B3GALT1: variants seen among roughly 807,000 people sequenced by gnomAD.
The protein encoded by B3GALT1 is beta-1,3-galactosyltransferase 1.
B3GALT1 carries 10 observed loss-of-function variants against 23.2 expected under a neutral mutation model. The observed-to-expected ratio is 0.43, with a 90% CI of 0.27 to 0.73. The LOEUF is 0.73. B3GALT1 is among the 30% of genes least tolerant of loss of function. B3GALT1 has a pLI of 0.21. For synonymous variants in B3GALT1, 156 were observed against 141.5 expected, an observed-to-expected ratio of 1.10 and a Z score of -0.73; for missense variants, 299 against 405.4, an observed-to-expected ratio of 0.74 and a Z score of 2.25.
intron 3 of B3GALT1, among the ~76,000 whole-genome samples, chr2:167,670,466 C>G (rs946916114): frequency 6.6e-6 from 1 of 152,068 alleles, no homozygotes; most frequent in Admixed American, 6.6e-5. Flanking sequence ...AATGCAAAAA[C>G]AACAATGCAA....
At chr2:167,555,309 A>G (rs957949796) in intron 2 of B3GALT1, among the ~76,000 whole-genome samples, 1 of 152,208 alleles carries the variant, frequency 6.6e-6, no homozygotes, top group South Asian at 2.1e-4. Context: ...ATAGTCTCAC[A>G]TAGTGAGTGT....
chr2:167,714,260 C>T lies in B3GALT1; in HGVS notation c.-352+67294C>T, dbSNP rs145657224. On this transcript the variant is annotated intron_variant, in intron 3 of 4. Transcript: ENST00000392690. ...TCCTGGTGGAGGAAACATCATCCTA[C>T]GGTCCTGTTCCCATGGAGATGAGAG... 1.1e-4 allele frequency: 164 copies of T among 1,501,766 alleles called. No homozygotes were observed. In the African/African-American group the frequency reaches 1.8e-3, roughly 16 times the overall value. The allele number at this position is 1,501,766 out of a possible 1,614,324, so 93.0% of individuals were successfully genotyped here.
intron 1 of B3GALT1, among the ~76,000 whole-genome samples, chr2:167,460,302 T>C (rs1369435923): frequency 6.6e-6 from 1 of 152,194 alleles, no homozygotes; most frequent in African/African-American, 2.4e-5. Context: ...CTTCAGTCAT[T>C]TTTCTATCTG....
At chr2:167,703,668 G>A (rs537563445) in intron 3 of B3GALT1, among the ~76,000 whole-genome samples, 2 of 152,182 alleles carry the variant, frequency 1.3e-5, no homozygotes, top group African/African-American at 4.8e-5. Flanking sequence ...TTTCCGCTAA[G>A]TGACTTCCCT....
chr2:167,730,834 T>C (rs1344314136), intron 3 of B3GALT1, among the ~76,000 whole-genome samples: 1 of 152,142 alleles, frequency 6.6e-6, no homozygotes, highest in East Asian at 1.9e-4. Flanking sequence ...AGACACAAAA[T>C]CAGTGGCAGG....
chr2:167,465,779 T>G (rs1415382757), intron 1 of B3GALT1, among the ~76,000 whole-genome samples: 1 of 149,194 alleles, frequency 6.7e-6, no homozygotes, highest in Non-Finnish European at 1.5e-5. Context: ...GTAGTTGAGA[T>G]TAAACTGTTA....
intron 1 of B3GALT1, among the ~76,000 whole-genome samples, chr2:167,378,037 C>A (rs1697791973): frequency 6.6e-6 from 1 of 152,142 alleles, no homozygotes; most frequent in Non-Finnish European, 1.5e-5. Flanking sequence ...ACTGTTAGCA[C>A]TTGCTTGACT....
chr2:167,714,061 A>T (rs1574226892), intron 3 of B3GALT1: 1 of 1,536,214 alleles, frequency 6.5e-7, no homozygotes, highest in Admixed American at 1.7e-5. Context: ...AATGACCAGG[A>T]TCATCTTTGG....
chr2:167,819,310 C>CA (rs1306577120), intron 4 of B3GALT1, among the ~76,000 whole-genome samples: 1 of 152,186 alleles, frequency 6.6e-6, no homozygotes, highest in Non-Finnish European at 1.5e-5. Context: ...AATTGTGCTT[C>CA]AATCATTTCT....
intron 2 of B3GALT1, among the ~76,000 whole-genome samples, chr2:167,526,337 C>T (rs1683219844): frequency 6.6e-6 from 1 of 152,110 alleles, no homozygotes. Context: ...CTGTAACTTC[C>T]ATCTCTGAGG....
At chr2:167,747,066 G>C (rs1187532802) in intron 3 of B3GALT1, among the ~76,000 whole-genome samples, 1 of 152,062 alleles carries the variant, frequency 6.6e-6, no homozygotes, top group Non-Finnish European at 1.5e-5. Flanking sequence ...ATGATTTAAA[G>C]CATTGTGTCG....
At chr2:167,567,216 CTG>C (rs1684188302) in intron 2 of B3GALT1, among the ~76,000 whole-genome samples, 1 of 152,074 alleles carries the variant, frequency 6.6e-6, no homozygotes, top group Non-Finnish European at 1.5e-5. Flanking sequence ...GATTAGAAAA[CTG>C]TATCTTAAAA....
At chr2:167,359,373 A>T (rs1057267639) in intron 1 of B3GALT1, among the ~76,000 whole-genome samples, 1 of 152,162 alleles carries the variant, frequency 6.6e-6, no homozygotes, top group Non-Finnish European at 1.5e-5. Context: ...CTTCTGTAAT[A>T]CTCACAGTAA....
intron 3 of B3GALT1, among the ~76,000 whole-genome samples, chr2:167,788,307 A>G (rs1355271212): frequency 2.0e-5 from 3 of 152,032 alleles, no homozygotes; most frequent in African/African-American, 7.3e-5. Context: ...AGATGATTCA[A>G]GCACATTACA....
At chr2:167,535,474 T>C (rs559071877) in intron 2 of B3GALT1, among the ~76,000 whole-genome samples, 2 of 152,094 alleles carry the variant, frequency 1.3e-5, no homozygotes, top group East Asian at 3.9e-4. Flanking sequence ...AATTCAAGCT[T>C]GGTCAGCTAA....
At chr2:167,672,710 A>G (rs1299487466) in intron 3 of B3GALT1, among the ~76,000 whole-genome samples, 2 of 152,262 alleles carry the variant, frequency 1.3e-5, no homozygotes, top group East Asian at 3.9e-4. Context: ...AATACTTGTA[A>G]AGCACTCAGA....
intron 1 of B3GALT1, among the ~76,000 whole-genome samples, chr2:167,392,651 C>G (rs1698031129): frequency 6.6e-6 from 1 of 152,080 alleles, no homozygotes; most frequent in African/African-American, 2.4e-5. Context: ...ATTAAGATTA[C>G]TTGTCTAATA....
intron 2 of B3GALT1, among the ~76,000 whole-genome samples, chr2:167,582,209 T>G (rs1361912305): frequency 6.6e-6 from 1 of 152,238 alleles, no homozygotes; most frequent in Non-Finnish European, 1.5e-5. Context: ...TAGATTCCTC[T>G]TCTTTTAGCC....
At chr2:167,637,042 C>T (rs904020811) in intron 2 of B3GALT1, among the ~76,000 whole-genome samples, 8 of 151,810 alleles carry the variant, frequency 5.3e-5, no homozygotes, top group East Asian at 3.9e-4. Flanking sequence ...TATGGCTGCT[C>T]CCAGCTACCC....
Sources: allele counts gnomAD v4.1 joint callset (sites outside exome capture counted in the v4.1 genomes callset), GRCh38; gene constraint gnomAD v4.1.1; transcripts MANE v1.5; gene names NCBI Gene and HGNC (gene_info 2026-07-23, HGNC 2026-07-21).